Variants in ENDOV observed in about 807,000 individuals in gnomAD.
ENDOV encodes hEndoV.
A neutral mutation model predicts 39.4 loss-of-function variants in ENDOV; 37 were observed. That is an observed-to-expected ratio of 0.94 (90% CI 0.72 to 1.23). The LOEUF (loss-of-function observed/expected upper bound fraction) is 1.23. ENDOV is among the 50% of genes most tolerant of loss of function. The pLI, the probability that ENDOV is intolerant of heterozygous loss-of-function variation, is 0.00. For missense variants in ENDOV, 441 were observed against 375.7 expected (o/e 1.17, Z -1.44); for synonymous variants, 186 against 163.4 (o/e 1.14, Z -1.05).
chr17:80,416,328 C>T (rs2081175373), intron 2 of ENDOV: 1 of 157,358 alleles, frequency 6.4e-6, no homozygotes, highest in Non-Finnish European at 1.4e-5. Context: ...TAAGAATCAG[C>T]TCATGAGCTT....
chr17:80,435,621 AT>A lies in ENDOV; in HGVS notation c.839-501del, dbSNP rs968432837. Among the ~76,000 whole-genome samples, 988 of 146,224 alleles carry A rather than the reference AT, an allele frequency of 6.8e-3. 14 individuals carry two copies. Among genetic ancestry groups the A allele is most frequent in the African/African-American group, 0.023 (922 of 39,928 alleles). Reference sequence around the variant, plus strand: ...AAGCATGTGCCACCATGCCTGGCTAATTTTTTTTTTTGAGACAGAGTCTCGC... The same window carrying A: ...AAGCATGTGCCACCATGCCTGGCTAATTTTTTTTTTGAGACAGAGTCTCGC... On this transcript the variant is annotated intron_variant, in intron 9 of 9. Transcript: ENST00000518137.
At chr17:80,431,459 G>A (rs2083322135) in intron 9 of ENDOV, among the ~76,000 whole-genome samples, 1 of 152,242 alleles carries the variant, frequency 6.6e-6, no homozygotes, top group African/African-American at 2.4e-5. Context: ...GCTGGGGGGA[G>A]CGGATGCCGA....
intron 2 of ENDOV, chr17:80,418,618 C>T (rs2081517457): frequency 6.6e-6 from 1 of 152,230 alleles, no homozygotes; most frequent in Admixed American, 6.5e-5. Context: ...GGAGCAGAAT[C>T]ACCCAGAAGT....
rs2082307872 is a variant in ENDOV at position 80,423,429 on chromosome 17, G to A, written c.404-91G>A. 1.0e-5 allele frequency: 13 copies of A among 1,262,806 alleles called. No individual in the cohort carries two copies. The South Asian group carries it at 1.9e-4, about 18-fold the overall frequency. The allele number at this position is 1,262,806 out of a possible 1,614,324, so 78.2% of individuals were successfully genotyped here. ...CTGTCCACAGACCTCTGCTCACTTA[G>A]GGAAGCTTTTGGTAAGACTGGCTTG... On this transcript the variant is annotated intron_variant, in intron 4 of 9. Transcript: ENST00000518137.
At chr17:80,430,266 A>C (rs1306303360) in intron 9 of ENDOV, 4 of 1,482,412 alleles carry the variant, frequency 2.7e-6, no homozygotes, top group Non-Finnish European at 3.6e-6. Context: ...GGGGACTCGG[A>C]GCTGCAGCCT....
chr17:80,416,726 TCCTTCCTC>T (rs1414211742), intron 2 of ENDOV, among the ~76,000 whole-genome samples: 1 of 133,226 alleles, frequency 7.5e-6, no homozygotes, highest in Admixed American at 7.5e-5. Flanking sequence ...CTTCCTTCCT[TCCTTCCTC>T]CCTTCCTTCC....
chr17:80,423,662 C>G, intron 5 of ENDOV, 30 bp downstream of exon 5: 2 of 1,544,076 alleles, frequency 1.3e-6, no homozygotes, highest in South Asian at 1.2e-5. Flanking sequence ...AGGCCATGCC[C>G]GGCAGCTCAG....
chr17:80,431,741 A>G (rs534813746), intron 9 of ENDOV, among the ~76,000 whole-genome samples: 2 of 152,316 alleles, frequency 1.3e-5, no homozygotes, highest in East Asian at 3.9e-4. Flanking sequence ...GGCTCCCCTC[A>G]CCGTGGCAGA....
At chr17:80,432,373 C>T (rs2083381884) in intron 9 of ENDOV, among the ~76,000 whole-genome samples, 1 of 152,028 alleles carries the variant, frequency 6.6e-6, no homozygotes, top group Non-Finnish European at 1.5e-5. Flanking sequence ...GATCTGCCTC[C>T]CAGCACCCCT....
At chr17:80,415,531 C>A in intron 1 of ENDOV, 119 bp from the exon 2 acceptor site, 1 of 1,324,898 alleles carries the variant, frequency 7.5e-7, no homozygotes, top group Non-Finnish European at 1.0e-6. Context: ...ATGTCCCTTG[C>A]TTTCCCTTGA....
chr17:80,432,124 A>G (rs1226686893), intron 9 of ENDOV, among the ~76,000 whole-genome samples: 1 of 152,112 alleles, frequency 6.6e-6, no homozygotes, highest in Non-Finnish European at 1.5e-5. Context: ...TGATAAGCCG[A>G]GAGCTGCAGC....
At chr17:80,427,221 C>T (rs919103773) in intron 7 of ENDOV, among the ~76,000 whole-genome samples, 16 of 152,230 alleles carry the variant, frequency 1.1e-4, no homozygotes, top group Admixed American at 2.6e-4. Context: ...AGGAAAGAGG[C>T]CTTTCTTCCT....
intron 2 of ENDOV, among the ~76,000 whole-genome samples, chr17:80,416,688 TC>T (rs2081230658): frequency 6.8e-6 from 1 of 147,464 alleles, no homozygotes; most frequent in Non-Finnish European, 1.5e-5. Flanking sequence ...AAGCAACAAG[TC>T]CCCTCCCTCC....
intron 5 of ENDOV, 166 bp downstream of exon 5, chr17:80,423,798 C>T (rs944977213): frequency 4.6e-6 from 3 of 647,980 alleles, no homozygotes; most frequent in Non-Finnish European, 7.8e-6. Context: ...CTGGGTGCTG[C>T]ATTGCCTGTC....
chr17:80,437,561 T>TG lies in ENDOV; in HGVS notation c.*1419dup, dbSNP rs1206523662. The TG allele has an allele frequency of 6.6e-6, 1 of 152,538 alleles. No individual in the cohort carries two copies. Among genetic ancestry groups the TG allele is most frequent in the Non-Finnish European group, 1.5e-5 (1 of 68,060 alleles). 9.4% of individuals were successfully genotyped at this position (152,538 alleles called of 1,614,324 possible). On this transcript the variant is annotated 3_prime_UTR_variant, in exon 10 of 10. Coordinates refer to ENST00000518137, the MANE Select transcript of ENDOV (RefSeq NM_173627.5). Reference sequence around the variant, plus strand: ...CTGTAGTCCGTTTGGGGTGCAGGTGTGTGCCAGGGGTCTTCAGCCCCGGCT... The same window carrying TG: ...CTGTAGTCCGTTTGGGGTGCAGGTGTGGTGCCAGGGGTCTTCAGCCCCGGCT...
At chr17:80,425,393 C>T in intron 6 of ENDOV, 99 bp from the exon 7 acceptor site, 1 of 1,483,776 alleles carries the variant, frequency 6.7e-7, no homozygotes, top group Non-Finnish European at 9.0e-7. Flanking sequence ...TTCCCCCTTG[C>T]CCCCAGGACA....
chr17:80,429,906 G>T, intron 9 of ENDOV, 75 bp downstream of exon 9: 1 of 1,609,818 alleles, frequency 6.2e-7, no homozygotes. Flanking sequence ...GGAGCAGGCG[G>T]GCAAGGACTG....
At position 80,415,786 on chromosome 17, in the gene ENDOV, G is replaced by T. The variant is rs773076902; in HGVS notation, c.193G>T (p.Ala65Ser). The change falls in exon 2 of 10, where the codon GCT becomes TCT. Residue 65 changes from alanine to serine, a missense_variant. Physicochemically the swap from Ala to Ser is moderately conservative, Grantham distance 99. Coordinates refer to ENST00000518137, the MANE Select transcript of ENDOV (RefSeq NM_173627.5). ...GAAAGGGGACAGTGTCCGCGCTTGT[G>T]CTTCCCTGGTGGTGCTCAGCTTCCC... is the stretch of plus-strand genomic sequence containing the variant. ...FVKGDSVRACASLVVLSFPEL... is the reference protein window; with the variant it reads ...FVKGDSVRACSSLVVLSFPEL... 4 of 1,603,032 alleles carry T rather than the reference G, an allele frequency of 2.5e-6. No individual in the cohort carries two copies. The East Asian group carries it at 9.0e-5, about 36-fold the overall frequency.
chr17:80,431,512 A>G (rs1396369349), intron 9 of ENDOV, among the ~76,000 whole-genome samples: 1 of 152,250 alleles, frequency 6.6e-6, no homozygotes, highest in African/African-American at 2.4e-5. Context: ...CGGGGGGCAC[A>G]GGAGAGAGCG....
Sources: allele counts gnomAD v4.1 joint callset (sites outside exome capture counted in the v4.1 genomes callset), GRCh38; gene constraint gnomAD v4.1.1; transcripts MANE v1.5; gene names NCBI Gene and HGNC (gene_info 2026-07-23, HGNC 2026-07-21).